The following CNTNAP2 variants were observed in gnomAD, a reference collection of about 807,000 sequenced individuals.
The protein encoded by CNTNAP2 is contactin-associated protein-like 2.
In CNTNAP2, 98 loss-of-function variants were observed where a neutral mutation model predicts 155.2. That is an observed-to-expected ratio of 0.63 (90% CI 0.54 to 0.75). The LOEUF is 0.75. Ranked by LOEUF, CNTNAP2 falls within the 30% of genes least tolerant of loss-of-function variation. The pLI, the probability that CNTNAP2 is intolerant of heterozygous loss-of-function variation, is 0.00. For synonymous variants in CNTNAP2, 651 were observed against 631.2 expected (o/e 1.03, Z -0.47); for missense variants, 1,727 against 1,688.1 (o/e 1.02, Z -0.40).
At chr7:148,072,137 C>T (rs1803392611) in intron 15 of CNTNAP2, among the ~76,000 whole-genome samples, 1 of 152,144 alleles carries the variant, frequency 6.6e-6, no homozygotes, top group Non-Finnish European at 1.5e-5. Flanking sequence ...AGGATTTCTT[C>T]ATATCCTCCC....
intron 8 of CNTNAP2, among the ~76,000 whole-genome samples, chr7:147,177,753 C>T (rs1802377867): frequency 6.6e-6 from 1 of 151,954 alleles, no homozygotes; most frequent in South Asian, 2.1e-4. Flanking sequence ...TATGTGAAGC[C>T]CATTCAGGGT....
chr7:147,287,940 C>T (rs1053062369), intron 8 of CNTNAP2, among the ~76,000 whole-genome samples: 1 of 152,124 alleles, frequency 6.6e-6, no homozygotes, highest in East Asian at 1.9e-4. Context: ...GTAAGAGCAT[C>T]CTAATAGATG....
chr7:147,291,288 T>C (rs566113551), intron 8 of CNTNAP2, among the ~76,000 whole-genome samples: 1 of 152,262 alleles, frequency 6.6e-6, no homozygotes, highest in African/African-American at 2.4e-5. Flanking sequence ...CCCACATGCA[T>C]GAGGTATTTG....
intron 9 of CNTNAP2, among the ~76,000 whole-genome samples, chr7:147,375,039 G>C (rs1796412157): frequency 6.6e-6 from 1 of 151,818 alleles, no homozygotes; most frequent in South Asian, 2.1e-4. Flanking sequence ...GAGATCTGAT[G>C]GTTTTATCAG....
At chr7:147,502,551 G>A (rs1798834188) in intron 11 of CNTNAP2, among the ~76,000 whole-genome samples, 2 of 152,216 alleles carry the variant, frequency 1.3e-5, no homozygotes, top group East Asian at 1.9e-4. Flanking sequence ...ATTACAAGAT[G>A]AATAAGTTCT....
intron 1 of CNTNAP2, among the ~76,000 whole-genome samples, chr7:146,652,465 G>GA (rs1450952095): frequency 6.6e-6 from 1 of 152,112 alleles, no homozygotes; most frequent in Non-Finnish European, 1.5e-5. Context: ...TTGAACAAGA[G>GA]ATTTTTGACA....
intron 1 of CNTNAP2, among the ~76,000 whole-genome samples, chr7:146,205,064 T>C (rs1389078039): frequency 6.6e-6 from 1 of 152,062 alleles, no homozygotes; most frequent in Admixed American, 6.6e-5. Context: ...CAGTAAATTG[T>C]AGGCAAGTAA....
At chr7:146,315,803 C>T (rs1800896239) in intron 1 of CNTNAP2, among the ~76,000 whole-genome samples, 1 of 152,108 alleles carries the variant, frequency 6.6e-6, no homozygotes, top group East Asian at 1.9e-4. Context: ...CTTCTTGTGG[C>T]TTAGAATTGC....
intron 15 of CNTNAP2, among the ~76,000 whole-genome samples, chr7:148,074,424 C>T (rs975916122): frequency 5.9e-5 from 9 of 152,202 alleles, no homozygotes; most frequent in African/African-American, 2.2e-4. Context: ...GACCCGGTGG[C>T]TCACACCTGT....
intron 1 of CNTNAP2, among the ~76,000 whole-genome samples, chr7:146,400,248 T>C (rs1447656373): frequency 7.0e-6 from 1 of 143,018 alleles, no homozygotes; most frequent in Admixed American, 7.1e-5. Flanking sequence ...ATGAGTTAAC[T>C]GGAGAAAGCT....
At chr7:147,835,293 T>C (rs564836187) in intron 13 of CNTNAP2, among the ~76,000 whole-genome samples, 1 of 152,206 alleles carries the variant, frequency 6.6e-6, no homozygotes, top group South Asian at 2.1e-4. Flanking sequence ...ATGAATCGAG[T>C]GATGAAGTTG....
intron 1 of CNTNAP2, among the ~76,000 whole-genome samples, chr7:146,531,190 A>G (rs1797763902): frequency 6.6e-6 from 1 of 152,144 alleles, no homozygotes; most frequent in African/African-American, 2.4e-5. Flanking sequence ...GAGCACAAAA[A>G]AGGGAATGAC....
At chr7:147,014,136 C>T (rs1393008193) in intron 3 of CNTNAP2, among the ~76,000 whole-genome samples, 1 of 152,102 alleles carries the variant, frequency 6.6e-6, no homozygotes, top group Non-Finnish European at 1.5e-5. Context: ...AATTAATTCA[C>T]TAAAGCAATC....
At position 148,134,915 on chromosome 7, in the gene CNTNAP2, T is replaced by G. The variant is rs530946491; in HGVS notation, c.2555-12576T>G. On this transcript the variant is annotated intron_variant, in intron 16 of 23. Transcript: ENST00000361727. ...GTCTATATTTCTAAACATTTTTCTA[T>G]GCATTTATATATACTTTTTTTTTAC... Among the ~76,000 whole-genome samples the G allele has an allele frequency of 4.6e-5, 7 of 152,328 alleles. No individual in the cohort carries two copies. In the East Asian group the frequency reaches 1.4e-3, roughly 29 times the overall value.
At chr7:146,286,202 T>C (rs1800334430) in intron 1 of CNTNAP2, among the ~76,000 whole-genome samples, 1 of 151,114 alleles carries the variant, frequency 6.6e-6, no homozygotes, top group Non-Finnish European at 1.5e-5. Flanking sequence ...TTTTAATCCC[T>C]AACTAACTTT....
chr7:147,108,199 A>C lies in CNTNAP2; in HGVS notation c.603A>C (p.Arg201Ser). Residue 201 changes from arginine to serine, a missense_variant, in exon 5 of 24, where the codon AGA becomes AGC. By Grantham distance (110) the Arg-to-Ser change is moderately radical. Transcript: ENST00000361727. ...ATGTTGTATTACCATATAGATTCAG[A>C]AACAAGAAGATGAAAACACTGAAAG... ...DGHVVLPYRF[R>S]NKKMKTLKDV... The C allele has an allele frequency of 6.2e-7, 1 of 1,613,732 alleles. No homozygotes were observed.
rs188138067 is a variant in CNTNAP2 at position 148,222,397 on chromosome 7, G to A, written c.3247+4873G>A. Among the ~76,000 whole-genome samples, 61 of 152,286 alleles carry A rather than the reference G, an allele frequency of 4.0e-4. No homozygotes were observed. In the South Asian group the frequency reaches 0.011, roughly 26 times the overall value. On this transcript the variant is annotated intron_variant, in intron 19 of 23. Coordinates refer to ENST00000361727, the MANE Select transcript of CNTNAP2 (RefSeq NM_014141.6). The stretch of plus-strand genomic sequence containing the variant: ...GAGACAGTGCAGGGCATGACATGGC[G>A]AGGTTAAGCTGCCAGCTCAGGCCTC...
chr7:146,247,789 A>T (rs564793002), intron 1 of CNTNAP2, among the ~76,000 whole-genome samples: 159 of 152,304 alleles, frequency 1.0e-3, no homozygotes, highest in African/African-American at 3.7e-3. Context: ...TAAGTTCTTA[A>T]TAACACAGGC....
intron 1 of CNTNAP2, among the ~76,000 whole-genome samples, chr7:146,661,556 T>A (rs953418857): frequency 8.5e-6 from 1 of 116,972 alleles, no homozygotes; most frequent in African/African-American, 3.4e-5. Context: ...TCTGCTTCTT[T>A]CATTTAATAT....
Sources: gnomAD v4.1 joint callset for allele counts (sites outside exome capture counted in the v4.1 genomes callset) on GRCh38, gnomAD v4.1.1 for gene constraint, MANE v1.5 for transcripts, NCBI Gene and HGNC (gene_info 2026-07-23, HGNC 2026-07-21) for gene names.